Variants in PIWIL2 observed in about 807,000 individuals in gnomAD.
PIWIL2 encodes the protein piwi like RNA-mediated gene silencing 2, also known as piwi-like protein 2.
Under a neutral mutation model 116.5 loss-of-function variants are expected in PIWIL2, and 81 were observed. The observed-to-expected ratio is 0.70, with a 90% CI of 0.58 to 0.84. The LOEUF (loss-of-function observed/expected upper bound fraction) is 0.84, where lower values mean the gene tolerates loss of function less well. Among genes scored for constraint, PIWIL2 ranks in the 40% least tolerant of loss-of-function variants. The pLI is 0.00. For synonymous variants in PIWIL2, 489 were observed against 429.5 expected (o/e 1.14, Z -1.71); for missense variants, 1,272 against 1,212.3 (o/e 1.05, Z -0.73).
intron 10 of PIWIL2, among the ~76,000 whole-genome samples, chr8:22,292,375 G>T (rs1830786906): frequency 6.6e-6 from 1 of 152,220 alleles, no homozygotes; most frequent in Non-Finnish European, 1.5e-5. Context: ...TAATCCAGTG[G>T]AGCCATGAGG....
chr8:22,276,449 G>A (rs560505319), intron 1 of PIWIL2, among the ~76,000 whole-genome samples: 3 of 152,274 alleles, frequency 2.0e-5, no homozygotes, highest in African/African-American at 7.2e-5. Flanking sequence ...CCGAGTAGCT[G>A]GGATTACAGG....
At chr8:22,323,859 G>C (rs1452774006) in intron 20 of PIWIL2, among the ~76,000 whole-genome samples, 1 of 152,142 alleles carries the variant, frequency 6.6e-6, no homozygotes, top group Non-Finnish European at 1.5e-5. Context: ...GTTTTCAAAA[G>C]CAGGAGTCCT....
intron 10 of PIWIL2, among the ~76,000 whole-genome samples, chr8:22,291,611 C>T (rs1353280881): frequency 6.6e-6 from 1 of 152,138 alleles, no homozygotes; most frequent in Non-Finnish European, 1.5e-5. Context: ...TGATAGTTAA[C>T]TGTATCTTGA....
At chr8:22,306,096 C>A in intron 13 of PIWIL2, 80 bp downstream of exon 13, 1 of 956,190 alleles carries the variant, frequency 1.0e-6, no homozygotes. Context: ...TAGAACCGAG[C>A]CACGTTCCAA....
At chr8:22,287,837 C>T (rs534476132) in intron 7 of PIWIL2, among the ~76,000 whole-genome samples, 192 bp downstream of exon 7, 14 of 152,266 alleles carry the variant, frequency 9.2e-5, no homozygotes, top group African/African-American at 3.4e-4. Flanking sequence ...GGGTAGGAAA[C>T]CATAGAATTC....
intron 7 of PIWIL2, among the ~76,000 whole-genome samples, 167 bp downstream of exon 7, chr8:22,287,812 G>T (rs1302451601): frequency 2.6e-5 from 4 of 152,186 alleles, no homozygotes; most frequent in Non-Finnish European, 5.9e-5. Flanking sequence ...CCTGGCCCAG[G>T]ACTGGTGTTT....
rs1410776536 is a variant in PIWIL2 at position 22,283,034 on chromosome 8, G to A, written c.426G>A (p.Arg142=). 2 of 1,613,442 alleles carry A rather than the reference G, an allele frequency of 1.2e-6. No homozygotes were observed. Among genetic ancestry groups the A allele is most frequent in the East Asian group, 4.5e-5 (2 of 44,880 alleles). ...KMAETSVGWS[R]TLGRGSSDAS... Reference sequence around the variant, plus strand: ...ATTTGCCTCTCTCTCCACATTTCAGGACGCTTGGAAGAGGGAGTTCAGATG... The same window carrying A: ...ATTTGCCTCTCTCTCCACATTTCAGAACGCTTGGAAGAGGGAGTTCAGATG... The change falls in exon 5 of 23, where the codon AGG becomes AGA. Residue 142 remains arginine (R), a splice_region_variant and synonymous_variant. Coordinates refer to ENST00000356766, the MANE Select transcript of PIWIL2 (RefSeq NM_018068.5).
At chr8:22,318,027 C>A in intron 19 of PIWIL2, 143 bp from the exon 20 acceptor site, 1 of 579,276 alleles carries the variant, frequency 1.7e-6, no homozygotes. Flanking sequence ...ACTGCTTGTT[C>A]TTACATATAA....
chr8:22,282,344 C>T (rs1489732210), intron 4 of PIWIL2, among the ~76,000 whole-genome samples: 1 of 148,476 alleles, frequency 6.7e-6, no homozygotes, highest in Non-Finnish European at 1.5e-5. Context: ...CTCCGCCTCA[C>T]ACCCAGCTAA....
intron 16 of PIWIL2, among the ~76,000 whole-genome samples, chr8:22,311,676 A>G (rs564845089): frequency 2.0e-5 from 3 of 152,258 alleles, no homozygotes; most frequent in African/African-American, 4.8e-5. Context: ...GATTAAAATT[A>G]CTCTGGTGAT....
chr8:22,280,164 C>A (rs73670403), intron 2 of PIWIL2, among the ~76,000 whole-genome samples: 1 of 152,152 alleles, frequency 6.6e-6, no homozygotes, highest in African/African-American at 2.4e-5. Context: ...TCCATCCCTC[C>A]ATCTGTAATT....
rs755205784 is a variant in PIWIL2 at position 22,305,886 on chromosome 8, C to G, written c.1456-41C>G. The G allele has an allele frequency of 3.1e-5, 45 of 1,456,382 alleles. 1 individual carries two copies. In the South Asian group the frequency reaches 4.8e-4, roughly 15 times the overall value. The allele number at this position is 1,456,382 out of a possible 1,614,324, so 90.2% of individuals were successfully genotyped here. A position where few individuals can be genotyped will look rare whatever the true frequency, so the allele number is the denominator to read the frequency against. ...CCTGTATGGTCGGGAACATGAGCCT[C>G]TTGTACTGCCTTATTTTCCCTCTTC... On this transcript the variant is annotated intron_variant, in intron 12 of 22. Coordinates refer to ENST00000356766, the MANE Select transcript of PIWIL2 (RefSeq NM_018068.5).
intron 4 of PIWIL2, among the ~76,000 whole-genome samples, chr8:22,281,915 G>C (rs1830513486): frequency 6.6e-6 from 1 of 150,602 alleles, no homozygotes. Flanking sequence ...GGGACTACAG[G>C]CATGTGGCAC....
chr8:22,345,337 C>G (rs1327668023), intron 20 of PIWIL2, among the ~76,000 whole-genome samples: 1 of 152,144 alleles, frequency 6.6e-6, no homozygotes, highest in Non-Finnish European at 1.5e-5. Flanking sequence ...ATGTTCGTAG[C>G]AACATTATTC....
Position 22,310,006 on chromosome 8 carries a change from A to G in PIWIL2, c.1732A>G (p.Thr578Ala). The part of the protein sequence containing the change: ...LPMERINLKN[T>A]SFITSQELNW... Reference sequence around the variant, plus strand: ...AATGGAAAGAATTAACTTAAAAAATACTTCGTTTATCACATCTCAGGAACT... The same window carrying G: ...AATGGAAAGAATTAACTTAAAAAATGCTTCGTTTATCACATCTCAGGAACT... The change falls in exon 15 of 23, where the codon ACT becomes GCT. Residue 578 changes from threonine to alanine, a missense_variant. Coordinates refer to ENST00000356766, the MANE Select transcript of PIWIL2 (RefSeq NM_018068.5). 2 of 1,612,130 alleles carry G rather than the reference A, an allele frequency of 1.2e-6. No homozygotes were observed. The highest frequency in any genetic ancestry group is 8.5e-7 in the Non-Finnish European group (1 of 1,178,172).
intron 19 of PIWIL2, 56 bp downstream of exon 19, chr8:22,316,389 T>C: frequency 1.0e-6 from 1 of 986,586 alleles, no homozygotes; most frequent in East Asian, 2.4e-5. Context: ...GTGCCTAATC[T>C]TATTATAAAT....
At chr8:22,327,572 G>C (rs576890645) in intron 20 of PIWIL2, among the ~76,000 whole-genome samples, 89 of 151,906 alleles carry the variant, frequency 5.9e-4, no homozygotes, top group African/African-American at 2.0e-3. Flanking sequence ...TCTCCATGTT[G>C]GTCAGGCTGG....
intron 6 of PIWIL2, among the ~76,000 whole-genome samples, 161 bp from the exon 7 acceptor site, chr8:22,287,367 G>A (rs1248987226): frequency 1.3e-5 from 2 of 152,194 alleles, no homozygotes; most frequent in Admixed American, 1.3e-4. Context: ...TTTCAGCTGC[G>A]AGCAGGTCTT....
In PIWIL2 at chr8:22,320,259, CTTTTTTTTT is replaced by C. The variant is rs71544874; in HGVS notation, c.2403+1998_2403+2006del. ...TACAGGTGTGAGCTGCTGCGCCCGG[CTTTTTTTTT>C]TTTTTTTTTTTTTGAGACGGAGTCT... On this transcript the variant is annotated intron_variant, in intron 20 of 22. Transcript: ENST00000356766. 4.5e-5 allele frequency among the ~76,000 whole-genome samples: 4 copies of C among 89,602 alleles called. No homozygotes were observed. The South Asian group carries it at 1.4e-3, about 31-fold the overall frequency. 58.8% of individuals were successfully genotyped at this position (89,602 alleles called of 152,430 possible).
Sources: gnomAD v4.1 joint callset for allele counts (sites outside exome capture counted in the v4.1 genomes callset) on GRCh38, gnomAD v4.1.1 for gene constraint, MANE v1.5 for transcripts, NCBI Gene and HGNC (gene_info 2026-07-23, HGNC 2026-07-21) for gene names.